The following MYCBP2 variants were observed in gnomAD, a reference collection of about 807,000 sequenced individuals.
The protein encoded by MYCBP2 is E3 ubiquitin-protein ligase MYCBP2.
A neutral mutation model predicts 525.3 loss-of-function variants in MYCBP2; 120 were observed. The observed-to-expected ratio is 0.23, with a 90% confidence interval of 0.20 to 0.27. The LOEUF is 0.27. MYCBP2 is among the 10% of genes least tolerant of loss of function. The probability of loss-of-function intolerance (pLI) is 1.00; values close to 1 mark genes in which losing one functional copy is unlikely to be tolerated. For synonymous variants in MYCBP2, 1,894 were observed against 1,955.8 expected (o/e 0.97, Z 0.83); for missense variants, 4,149 against 5,657.1 (o/e 0.73, Z 8.55).
chr13:77,266,024 TAAAC>T (rs1322907230), intron 8 of MYCBP2, among the ~76,000 whole-genome samples: 6 of 152,284 alleles, frequency 3.9e-5, no homozygotes, highest in South Asian at 4.1e-4. Flanking sequence ...TTTCACAAGT[TAAAC>T]AAAGCAACGA....
intron 75 of MYCBP2, 109 bp from the exon 76 acceptor site, chr13:77,061,410 T>C: frequency 9.7e-7 from 1 of 1,026,878 alleles, no homozygotes; most frequent in South Asian, 1.9e-5. Flanking sequence ...TTAAGCACTC[T>C]AAGAAGTTTT....
Position 77,302,317 on chromosome 13 carries a change from T to C in MYCBP2, c.303-5643A>G, listed in dbSNP as rs1014880093. ...ATCTTTAAAGCAGCCAGAGAAGAGA[T>C]ATGCTTAAAGGAACAATAAAATTGA... is the stretch of plus-strand genomic sequence containing the variant. On this transcript the variant is annotated intron_variant, in intron 1 of 82. Coordinates refer to ENST00000544440, the MANE Select transcript of MYCBP2 (RefSeq NM_015057.5). Among the ~76,000 whole-genome samples the C allele has an allele frequency of 5.5e-5, 8 of 146,438 alleles. No homozygotes were observed. In the East Asian group the frequency reaches 1.2e-3, roughly 22 times the overall value.
chr13:77,093,040 G>A, intron 59 of MYCBP2, 125 bp downstream of exon 59: 1 of 885,034 alleles, frequency 1.1e-6, no homozygotes, highest in African/African-American at 1.7e-5. Context: ...TTTTCTTACT[G>A]CTCCAGCAGT....
At chr13:77,045,667 A>G (rs2035405432) in intron 82 of MYCBP2, among the ~76,000 whole-genome samples, 174 bp from the exon 83 acceptor site, 1 of 152,230 alleles carries the variant, frequency 6.6e-6, no homozygotes, top group African/African-American at 2.4e-5. Context: ...AATGTTCACT[A>G]TAAAAAATTC....
intron 17 of MYCBP2, among the ~76,000 whole-genome samples, chr13:77,242,540 G>A (rs1413472682): frequency 2.6e-5 from 4 of 152,158 alleles, no homozygotes; most frequent in Non-Finnish European, 1.5e-5. Flanking sequence ...TAAATAACTA[G>A]AATGAGGTTT....
chr13:77,122,223 C>T (rs997821352), intron 54 of MYCBP2, among the ~76,000 whole-genome samples: 16 of 151,710 alleles, frequency 1.1e-4, no homozygotes, highest in Admixed American at 2.6e-4. Context: ...TAAAACAATA[C>T]CTTAGTTAAA....
intron 47 of MYCBP2, among the ~76,000 whole-genome samples, chr13:77,147,450 A>G (rs1380460839): frequency 6.6e-6 from 1 of 152,152 alleles, no homozygotes; most frequent in Non-Finnish European, 1.5e-5. Context: ...CTGCAACATT[A>G]GCAAAGAAAT....
Position 77,304,408 on chromosome 13 carries a change from T to C in MYCBP2, c.303-7734A>G, listed in dbSNP as rs549523422. Among the ~76,000 whole-genome samples the C allele has an allele frequency of 8.5e-5, 13 of 152,312 alleles. 1 individual carries two copies. The highest frequency in any genetic ancestry group is 5.8e-4 in the East Asian group (3 of 5,192). On this transcript the variant is annotated intron_variant, in intron 1 of 82. Transcript: ENST00000544440. ...GATGAATATGGCATGTTTTTACTCA[T>C]ATGTGGAAGCTAAAAAAGTTGATCT...
intron 14 of MYCBP2, among the ~76,000 whole-genome samples, chr13:77,253,036 A>G (rs948009677): frequency 2.0e-5 from 3 of 152,068 alleles, no homozygotes; most frequent in African/African-American, 7.2e-5. Context: ...TCAAAAATTT[A>G]TAAAGAAAAA....
chr13:77,056,455 C>T (rs2154065437), intron 79 of MYCBP2, among the ~76,000 whole-genome samples: 1 of 152,280 alleles, frequency 6.6e-6, no homozygotes, highest in South Asian at 2.1e-4. Flanking sequence ...TCTTCAAAAA[C>T]AGCTTTTTGT....
intron 1 of MYCBP2, among the ~76,000 whole-genome samples, chr13:77,323,127 T>C (rs1007033233): frequency 5.9e-5 from 9 of 152,236 alleles, no homozygotes; most frequent in African/African-American, 2.2e-4. Flanking sequence ...TTCATGTTAG[T>C]ATTATGATCC....
At chr13:77,198,103 G>A (rs2154265194) in intron 26 of MYCBP2, among the ~76,000 whole-genome samples, 1 of 152,248 alleles carries the variant, frequency 6.6e-6, no homozygotes, top group East Asian at 1.9e-4. Flanking sequence ...AACACATTGA[G>A]GTTGCTTCTC....
intron 17 of MYCBP2, among the ~76,000 whole-genome samples, chr13:77,240,273 T>C (rs2068614852): frequency 6.6e-6 from 1 of 152,180 alleles, no homozygotes; most frequent in African/African-American, 2.4e-5. Context: ...AAAAAATGAA[T>C]ACATAGTTAG....
intron 55 of MYCBP2, among the ~76,000 whole-genome samples, chr13:77,115,042 GAGAA>G (rs2049479535): frequency 6.6e-6 from 1 of 151,856 alleles, no homozygotes; most frequent in Non-Finnish European, 1.5e-5. Flanking sequence ...TAATTACTAA[GAGAA>G]AGAAATAAAT....
At chr13:77,205,818 C>G (rs1388258142) in intron 24 of MYCBP2, among the ~76,000 whole-genome samples, 2 of 152,110 alleles carry the variant, frequency 1.3e-5, no homozygotes, top group Admixed American at 1.3e-4. Context: ...ACCTTTTACA[C>G]AAAACTGGAT....
At chr13:77,207,619 A>T (rs531879394) in intron 23 of MYCBP2, among the ~76,000 whole-genome samples, 6 of 152,332 alleles carry the variant, frequency 3.9e-5, no homozygotes. Flanking sequence ...TACCACAATT[A>T]AAAAATTTTA....
chr13:77,287,045 G>A (rs889742564), intron 3 of MYCBP2, among the ~76,000 whole-genome samples: 25 of 148,892 alleles, frequency 1.7e-4, no homozygotes, highest in Admixed American at 1.4e-3. Context: ...CCACCGTGAC[G>A]GGCTAAGTTT....
At chr13:77,285,088 G>T (rs971423278) in intron 3 of MYCBP2, among the ~76,000 whole-genome samples, 2 of 152,130 alleles carry the variant, frequency 1.3e-5, no homozygotes, top group African/African-American at 4.8e-5. Context: ...GCTGCAAAAG[G>T]TTATCTTAAG....
Position 77,269,990 on chromosome 13 carries a change from A to G in MYCBP2, c.1260+2T>C. 1 of 1,610,238 alleles carries G rather than the reference A, an allele frequency of 6.2e-7. No individual in the cohort carries two copies. The highest frequency in any genetic ancestry group is 1.3e-5 in the African/African-American group (1 of 74,770). On this transcript the variant is annotated splice_donor_variant, in intron 7 of 82. Transcript: ENST00000544440. LOFTEE classifies it high-confidence loss of function. ...TTTGGTTTATTGTGGATAGTTTCTTACCTGAGCATACCCTAACCAAGACTT... is the reference window on the plus strand; with the variant it reads ...TTTGGTTTATTGTGGATAGTTTCTTGCCTGAGCATACCCTAACCAAGACTT...
Sources: gnomAD v4.1 joint callset for allele counts (sites outside exome capture counted in the v4.1 genomes callset) on GRCh38, gnomAD v4.1.1 for gene constraint, MANE v1.5 for transcripts, NCBI Gene and HGNC (gene_info 2026-07-23, HGNC 2026-07-21) for gene names.